Variants in CEP112 observed in about 807,000 individuals in gnomAD.
CEP112 encodes the protein centrosomal protein of 112 kDa.
Under a neutral mutation model 153.0 loss-of-function variants are expected in CEP112, and 127 were observed. The ratio of observed to expected loss-of-function variants is 0.83; its 90% CI spans 0.72 to 0.96. CEP112 has a LOEUF of 0.96. CEP112 is among the 40% of genes least tolerant of loss of function. The probability of loss-of-function intolerance (pLI) is 0.00; values close to 1 mark genes in which losing one functional copy is unlikely to be tolerated. For missense variants in CEP112, 1,089 were observed against 1,101.2 expected (o/e 0.99, Z 0.16); for synonymous variants, 358 against 374.4 (o/e 0.96, Z 0.51).
At chr17:65,870,143 G>A (rs1340654507) in intron 20 of CEP112, among the ~76,000 whole-genome samples, 1 of 151,880 alleles carries the variant, frequency 6.6e-6, no homozygotes, top group Non-Finnish European at 1.5e-5. Context: ...TTATCTGAAA[G>A]GGGAGAAAAC....
In CEP112 at chr17:65,937,731, T is replaced by C. The variant is rs868102959; in HGVS notation, c.1873-10042A>G. On this transcript the variant is annotated intron_variant, in intron 18 of 26. Transcript: ENST00000535342. ...CCCCCGCCCGGCCAGCCGCCCAGTC[T>C]GGGAGGGGGGTGGGGGCGTCAGCCC... Among the ~76,000 whole-genome samples, 144 of 36,622 alleles carry C rather than the reference T, an allele frequency of 3.9e-3. 38 individuals are homozygous for C. The highest frequency in any genetic ancestry group is 0.013 in the African/African-American group (136 of 10,340). 24.0% of individuals were successfully genotyped at this position (36,622 alleles called of 152,430 possible). A position where few individuals can be genotyped will look rare whatever the true frequency, so the allele number is the denominator to read the frequency against.
rs187404598 is a variant in CEP112, at chr17:66,002,801, C to T, written c.1736+2889G>A. Among the ~76,000 whole-genome samples the T allele has an allele frequency of 3.3e-5, 5 of 152,066 alleles. No homozygotes were observed. The East Asian group carries it at 9.6e-4, about 29-fold the overall frequency. On this transcript the variant is annotated intron_variant, in intron 17 of 26. Transcript: ENST00000535342. Reference sequence around the variant, plus strand: ...TTCAACATGCACAGAAGAAATAAACCCTTATTCAATGAATGAAAGAAATAA... The same window carrying T: ...TTCAACATGCACAGAAGAAATAAACTCTTATTCAATGAATGAAAGAAATAA...
chr17:65,768,624 CT>C (rs2053148528), intron 21 of CEP112, among the ~76,000 whole-genome samples: 1 of 151,828 alleles, frequency 6.6e-6, no homozygotes, highest in African/African-American at 2.4e-5. Context: ...GGTTTTACCC[CT>C]GACATGCAAG....
At chr17:65,824,955 G>A (rs958024839) in intron 21 of CEP112, among the ~76,000 whole-genome samples, 3 of 152,042 alleles carry the variant, frequency 2.0e-5, no homozygotes, top group African/African-American at 4.8e-5. Context: ...GAATTATATC[G>A]ACCAATTCCT....
intron 24 of CEP112, among the ~76,000 whole-genome samples, chr17:65,651,780 A>AGT (rs2143625523): frequency 6.6e-6 from 1 of 152,092 alleles, no homozygotes; most frequent in East Asian, 1.9e-4. Context: ...AGCTCACTAC[A>AGT]AACTCCACCT....
chr17:66,119,536 T>C (rs2069471894), intron 6 of CEP112, among the ~76,000 whole-genome samples: 1 of 152,184 alleles, frequency 6.6e-6, no homozygotes. Context: ...ATTCATCCAC[T>C]TTATTGTGTG....
chr17:66,043,096 CT>C, intron 12 of CEP112: 3 of 981,306 alleles, frequency 3.1e-6, no homozygotes, highest in Non-Finnish European at 3.6e-6. Flanking sequence ...CTTAACCTAC[CT>C]TAACCTACCA....
At chr17:65,765,819 T>A (rs911995430) in intron 21 of CEP112, among the ~76,000 whole-genome samples, 10 of 152,112 alleles carry the variant, frequency 6.6e-5, no homozygotes, top group African/African-American at 2.4e-4. Flanking sequence ...GCACACCCTT[T>A]TCAACCAGCA....
intron 20 of CEP112, among the ~76,000 whole-genome samples, chr17:65,881,448 C>T (rs1465202369): frequency 2.6e-5 from 4 of 151,870 alleles, no homozygotes; most frequent in Non-Finnish European, 5.9e-5. Context: ...ATTCATGTTG[C>T]ATGTTTTCCC....
At chr17:65,706,545 G>A (rs979582530) in intron 23 of CEP112, among the ~76,000 whole-genome samples, 3 of 152,168 alleles carry the variant, frequency 2.0e-5, no homozygotes, top group Non-Finnish European at 2.9e-5. Context: ...TACAACATGC[G>A]TCCCAGGCTT....
chr17:65,927,095 C>G (rs1362677120), intron 19 of CEP112, among the ~76,000 whole-genome samples: 1 of 151,234 alleles, frequency 6.6e-6, no homozygotes, highest in Non-Finnish European at 1.5e-5. Flanking sequence ...TGAGCTCTCA[C>G]TCTGAGTTTG....
chr17:66,174,150 G>A (rs192792141), intron 4 of CEP112, among the ~76,000 whole-genome samples: 5,190 of 152,038 alleles, frequency 0.034, 132 homozygotes, highest in Middle Eastern at 0.062. Context: ...GGATGGTCTC[G>A]ATCTCCTGAC....
At chr17:66,078,234 A>G (rs1472755447) in intron 8 of CEP112, among the ~76,000 whole-genome samples, 1 of 125,074 alleles carries the variant, frequency 8.0e-6, no homozygotes, top group African/African-American at 2.8e-5. Context: ...GTGCTTTTGT[A>G]TCTTTTTTTT....
rs558716462 is a variant in CEP112 at position 65,799,558 on chromosome 17, C to T, written c.2395-48834G>A. ...AGTTGGGAAGATGAATCCTCTGGCA[C>T]TGTGGAGAATGATCCAGAAGAGCAG... On this transcript the variant is annotated intron_variant, in intron 21 of 26. Transcript: ENST00000535342. Among the ~76,000 whole-genome samples the T allele has an allele frequency of 3.3e-5, 5 of 152,278 alleles. No individual in the cohort carries two copies. In the East Asian group the frequency reaches 5.8e-4, roughly 18 times the overall value.
intron 23 of CEP112, among the ~76,000 whole-genome samples, chr17:65,695,876 G>A (rs1000398009): frequency 2.4e-4 from 36 of 152,282 alleles, no homozygotes; most frequent in Middle Eastern, 3.4e-3. Flanking sequence ...CTGTCTAAGC[G>A]TATAAATTGG....
chr17:66,039,977 T>C (rs2065901883), intron 12 of CEP112, among the ~76,000 whole-genome samples: 1 of 152,230 alleles, frequency 6.6e-6, no homozygotes, highest in South Asian at 2.1e-4. Flanking sequence ...TGAGTTGTCT[T>C]CAGTTTTTGA....
chr17:66,004,880 A>G (rs1411778091), intron 17 of CEP112, among the ~76,000 whole-genome samples: 1 of 152,212 alleles, frequency 6.6e-6, no homozygotes, highest in African/African-American at 2.4e-5. Context: ...AGCTAGGTAT[A>G]TTGAGCTCAA....
chr17:66,004,068 G>A (rs1016668786), intron 17 of CEP112, among the ~76,000 whole-genome samples: 6 of 152,006 alleles, frequency 3.9e-5, no homozygotes, highest in Non-Finnish European at 8.8e-5. Context: ...TGGAACAAGA[G>A]AGAAAAAATA....
At chr17:66,155,915 T>C (rs901225799) in intron 4 of CEP112, among the ~76,000 whole-genome samples, 1 of 152,182 alleles carries the variant, frequency 6.6e-6, no homozygotes, top group Non-Finnish European at 1.5e-5. Flanking sequence ...CCCATCTCCC[T>C]GGGACAGAGC....
Sources: allele counts gnomAD v4.1 joint callset (sites outside exome capture counted in the v4.1 genomes callset), GRCh38; gene constraint gnomAD v4.1.1; transcripts MANE v1.5; gene names NCBI Gene and HGNC (gene_info 2026-07-23, HGNC 2026-07-21).